STK32C: variants seen among roughly 807,000 people sequenced by gnomAD.
STK32C encodes the protein serine/threonine kinase 32C.
In STK32C, 31 loss-of-function variants were observed where a neutral mutation model predicts 56.5. The observed-to-expected ratio is 0.55, with a 90% CI of 0.41 to 0.74. The LOEUF (loss-of-function observed/expected upper bound fraction) is 0.74, where lower values mean the gene tolerates loss of function less well. Ranked by LOEUF, STK32C falls within the 30% of genes least tolerant of loss-of-function variation. The probability of loss-of-function intolerance (pLI) is 0.00; values close to 1 mark genes in which losing one functional copy is unlikely to be tolerated. For synonymous variants in STK32C, 309 were observed against 289.4 expected (o/e 1.07, Z -0.69); for missense variants, 544 against 676.9 (o/e 0.80, Z 2.18).
chr10:132,284,063 G>A (rs551705409), intron 1 of STK32C, among the ~76,000 whole-genome samples: 19 of 152,058 alleles, frequency 1.2e-4, no homozygotes, highest in African/African-American at 4.3e-4. Flanking sequence ...GCTTTTAAGC[G>A]CATCCCACAG....
chr10:132,240,152 G>C (rs921498169), intron 2 of STK32C, among the ~76,000 whole-genome samples: 2 of 152,134 alleles, frequency 1.3e-5, no homozygotes, highest in East Asian at 3.9e-4. Flanking sequence ...AGCCGCCTGG[G>C]TGGTGGCCTG....
intron 1 of STK32C, among the ~76,000 whole-genome samples, chr10:132,288,529 A>G (rs2065478632): frequency 6.6e-6 from 1 of 152,248 alleles, no homozygotes; most frequent in Non-Finnish European, 1.5e-5. Context: ...CATATTCTAC[A>G]TCTTTATTGC....
intron 8 of STK32C, among the ~76,000 whole-genome samples, chr10:132,223,395 G>A (rs1252423153): frequency 6.6e-6 from 1 of 152,186 alleles, no homozygotes; most frequent in Non-Finnish European, 1.5e-5. Flanking sequence ...CAGGCCAGAT[G>A]AGCCCGGGGC....
chr10:132,251,223 C>T lies in STK32C; in HGVS notation c.263-5268G>A, dbSNP rs73383237. ...CCATGAATCTGCTCCCAGGCCCTAC[C>T]CAGTTTCGCCTAGTCCCAAGTCCGC... On this transcript the variant is annotated intron_variant, in intron 1 of 11. Transcript: ENST00000298630. Among the ~76,000 whole-genome samples the T allele has an allele frequency of 2.5e-3, 382 of 152,346 alleles. 3 individuals carry two copies. The highest frequency in any genetic ancestry group is 8.9e-3 in the African/African-American group (372 of 41,588).
At chr10:132,322,146 AT>A (rs2066422374), downstream of STK32C, among the ~76,000 whole-genome samples, 1 of 152,144 alleles carries the variant, frequency 6.6e-6, no homozygotes, top group Non-Finnish European at 1.5e-5. Flanking sequence ...ATCAAATTGC[AT>A]TTCTCTGACA....
At chr10:132,290,673 C>T (rs74161770) in intron 1 of STK32C, among the ~76,000 whole-genome samples, 4,045 of 152,308 alleles carry the variant, frequency 0.027, 167 homozygotes, top group African/African-American at 0.092. Flanking sequence ...CATGCTGTGT[C>T]CTGAGGCATC....
In STK32C at chr10:132,240,952, G is replaced by A. The variant is rs2063479971; in HGVS notation, c.318+4948C>T. 2.0e-5 allele frequency among the ~76,000 whole-genome samples: 3 copies of A among 152,186 alleles called. No homozygotes were observed. The South Asian group carries it at 6.2e-4, about 32-fold the overall frequency. On this transcript the variant is annotated intron_variant, in intron 2 of 11. Coordinates refer to ENST00000298630, the MANE Select transcript of STK32C (RefSeq NM_173575.4). Reference sequence around the variant, plus strand: ...CACGCCTCTGCCTCCTGATAGCTGTGCCCATCAGACACCGTCAAGCTGGCG... The same window carrying A: ...CACGCCTCTGCCTCCTGATAGCTGTACCCATCAGACACCGTCAAGCTGGCG...
At chr10:132,294,502 G>A (rs2065676832) in intron 1 of STK32C, among the ~76,000 whole-genome samples, 1 of 152,158 alleles carries the variant, frequency 6.6e-6, no homozygotes, top group Admixed American at 6.5e-5. Flanking sequence ...GCTGTGGGCT[G>A]ACACTTTCGT....
At chr10:132,237,251 G>T (rs1397630909) in intron 2 of STK32C, among the ~76,000 whole-genome samples, 2 of 152,094 alleles carry the variant, frequency 1.3e-5, no homozygotes, top group East Asian at 3.9e-4. Flanking sequence ...CCCTCCACTG[G>T]CGTTTGCTCC....
intron 1 of STK32C, among the ~76,000 whole-genome samples, chr10:132,277,508 G>A (rs1328488334): frequency 6.6e-6 from 1 of 152,204 alleles, no homozygotes; most frequent in Non-Finnish European, 1.5e-5. Context: ...TGTGCCCACC[G>A]CCTTGCTGGA....
chr10:132,224,440 C>T lies in STK32C; in HGVS notation c.960G>A (p.Thr320=), dbSNP rs534089521. ...GCAAGGCCACCATCTCCTTGGACCA[C>T]GTGGGGACATACTGGACGCTCACGG... ...FSTVSVQYVP[T]WSKEMVALLR... The change falls in exon 8 of 12, where the codon ACG becomes ACA. Residue 320 remains threonine (T), a synonymous_variant. Coordinates refer to ENST00000298630, the MANE Select transcript of STK32C (RefSeq NM_173575.4). 2.4e-4 allele frequency: 371 copies of T among 1,558,448 alleles called. 5 individuals are homozygous for T. In the South Asian group the frequency reaches 2.4e-3, roughly 10 times the overall value.
chr10:132,331,359 A>G, intron 1 of STK32C: 5 of 1,455,120 alleles, frequency 3.4e-6, no homozygotes, highest in Non-Finnish European at 4.6e-6. Context: ...CCACAGGACC[A>G]CGCGAGCACC....
intron 4 of STK32C, 85 bp downstream of exon 4, chr10:132,226,710 C>T (rs1397237407): frequency 2.3e-5 from 34 of 1,499,952 alleles, no homozygotes; most frequent in East Asian, 9.2e-5. Flanking sequence ...TGAGGGAGTA[C>T]GGCCGCCGTG....
chr10:132,268,054 C>CA (rs2064642200), intron 1 of STK32C, among the ~76,000 whole-genome samples: 4 of 146,162 alleles, frequency 2.7e-5, no homozygotes, highest in African/African-American at 1.0e-4. Flanking sequence ...TGTCTGTGTG[C>CA]CCACATGTCC....
intron 1 of STK32C, among the ~76,000 whole-genome samples, chr10:132,256,302 C>T (rs1018930623): frequency 6.6e-6 from 1 of 152,146 alleles, no homozygotes. Flanking sequence ...TTGGCGGCAG[C>T]ATTCTTGCCA....
rs140245700 is a variant in STK32C at position 132,257,153 on chromosome 10, G to A, written c.263-11198C>T. Among the ~76,000 whole-genome samples the A allele has an allele frequency of 9.8e-3, 1,492 of 152,254 alleles. 24 individuals carry two copies. Among genetic ancestry groups the A allele is most frequent in the African/African-American group, 0.032 (1,349 of 41,546 alleles). On this transcript the variant is annotated intron_variant, in intron 1 of 11. Coordinates refer to ENST00000298630, the MANE Select transcript of STK32C (RefSeq NM_173575.4). ...CTGCCCATGAGGCTGGGTCCTCAGG[G>A]GGGTGAGGCCTGTGGATACAGGACA...
intron 1 of STK32C, among the ~76,000 whole-genome samples, chr10:132,305,578 T>C (rs2066033507): frequency 6.6e-6 from 1 of 152,170 alleles, no homozygotes; most frequent in South Asian, 2.1e-4. Context: ...GGCAAATGAC[T>C]GCACCAACCT....
At chr10:132,323,806 G>A (rs953313), downstream of STK32C, among the ~76,000 whole-genome samples, 1 of 152,124 alleles carries the variant, frequency 6.6e-6, no homozygotes, top group Non-Finnish European at 1.5e-5. This position sits in a 1 kb window ranked among gnomAD's most constrained non-coding sequence, Gnocchi z 4.8. Flanking sequence ...ACTTGACTCA[G>A]TTTTGAAGGC....
At chr10:132,304,638 T>A (rs979238270) in intron 1 of STK32C, among the ~76,000 whole-genome samples, 5 of 152,258 alleles carry the variant, frequency 3.3e-5, no homozygotes, top group Admixed American at 2.0e-4. Flanking sequence ...GTGATCCCAA[T>A]GCTGAAGTTA....
Sources: allele counts gnomAD v4.1 joint callset (sites outside exome capture counted in the v4.1 genomes callset), GRCh38; gene constraint gnomAD v4.1.1; non-coding constraint Gnocchi (gnomAD v3.1); transcripts MANE v1.5; gene names NCBI Gene and HGNC (gene_info 2026-07-23, HGNC 2026-07-21).